The following INSL6 variants were observed in gnomAD, a reference collection of about 807,000 sequenced individuals.
The protein encoded by INSL6 is insulin like 6.
Under a neutral mutation model 9.4 loss-of-function variants are expected in INSL6, and 16 were observed. That is an observed-to-expected ratio of 1.70 (90% CI 1.15 to 2.59). The LOEUF is 2.59. INSL6 is among the 30% of genes most tolerant of loss of function. The pLI is 0.00. For synonymous variants in INSL6, 154 were observed against 96.9 expected, an observed-to-expected ratio of 1.59 and a Z score of -3.46; for missense variants, 391 against 257.3, an observed-to-expected ratio of 1.52 and a Z score of -3.56.
At chr9:5,116,163 G>A in the INSL6 span, among the ~76,000 whole-genome samples, 52 of 152,230 alleles carry the variant, frequency 3.4e-4, no homozygotes, top group East Asian at 7.1e-3. Context: ...TGGAGAACAT[G>A]TATGATTATT....
At chr9:5,121,525 C>A (rs558471205), downstream of INSL6, among the ~76,000 whole-genome samples, 28 of 152,276 alleles carry the variant, frequency 1.8e-4, no homozygotes, top group African/African-American at 6.3e-4. Flanking sequence ...AGTTAGGCTT[C>A]TACTCCCACA....
At chr9:5,019,213 T>C in the INSL6 span, among the ~76,000 whole-genome samples, 1 of 152,212 alleles carries the variant, frequency 6.6e-6, no homozygotes, top group Admixed American at 6.5e-5. Flanking sequence ...TGCTTTATGG[T>C]ATCCCATATG....
At chr9:5,112,723 TC>T in the INSL6 span, 1 of 768,418 alleles carries the variant, frequency 1.3e-6, no homozygotes. Context: ...GGAACCTGAA[TC>T]CCAAAACAGC....
chr9:5,142,375 A>C (rs968265028), intron 2 of INSL6, among the ~76,000 whole-genome samples: 2 of 152,244 alleles, frequency 1.3e-5, no homozygotes, highest in East Asian at 3.9e-4. Context: ...TGTTCATGTC[A>C]TCTCTGATTT....
the INSL6 span, among the ~76,000 whole-genome samples, chr9:5,106,849 T>A: frequency 7.2e-5 from 11 of 152,046 alleles, no homozygotes; most frequent in Non-Finnish European, 1.0e-4. Flanking sequence ...AGTTGAACAA[T>A]GAGAACACTT....
the INSL6 span, chr9:5,085,051 G>A: frequency 5.3e-6 from 4 of 756,240 alleles, no homozygotes; most frequent in Admixed American, 5.4e-5. Context: ...TCTCTTTCTG[G>A]GGATGAGAAG....
At chr9:5,175,523 G>A (rs12347990) in intron 1 of INSL6, among the ~76,000 whole-genome samples, 3,496 of 152,216 alleles carry the variant, frequency 0.023, 121 homozygotes, top group African/African-American at 0.074. Context: ...AAAACAGGGG[G>A]TCCCCAACCA....
chr9:5,012,897 A>C, the INSL6 span, among the ~76,000 whole-genome samples: 1 of 152,218 alleles, frequency 6.6e-6, no homozygotes, highest in Non-Finnish European at 1.5e-5. Flanking sequence ...TGGGAGGCAA[A>C]GTAGACTTAG....
At chr9:5,103,747 C>T in the INSL6 span, among the ~76,000 whole-genome samples, 1 of 152,096 alleles carries the variant, frequency 6.6e-6, no homozygotes, top group Non-Finnish European at 1.5e-5. Flanking sequence ...CAAATTAGAA[C>T]TCAGGACTAA....
At chr9:5,149,515 C>G (rs116629999) in intron 2 of INSL6, among the ~76,000 whole-genome samples, 2,135 of 152,122 alleles carry the variant, frequency 0.014, 40 homozygotes, top group African/African-American at 0.048. Context: ...AGAAAAATAC[C>G]TACAAATACA....
chr9:5,010,600 G>A, the INSL6 span, among the ~76,000 whole-genome samples: 2 of 152,186 alleles, frequency 1.3e-5, no homozygotes, highest in African/African-American at 2.4e-5. Flanking sequence ...GATTACAGGC[G>A]TGGGCCACCA....
the INSL6 span, among the ~76,000 whole-genome samples, chr9:5,063,690 TAA>T: frequency 6.6e-6 from 1 of 151,994 alleles, no homozygotes; most frequent in Non-Finnish European, 1.5e-5. Context: ...AAAAGTTGCA[TAA>T]GAGTGTTTTG....
chr9:5,064,258 C>T, the INSL6 span, among the ~76,000 whole-genome samples: 1 of 151,872 alleles, frequency 6.6e-6, no homozygotes, highest in Non-Finnish European at 1.5e-5. Flanking sequence ...GGGCTGATGC[C>T]GTGGCTCACG....
At chr9:5,063,702 G>A in the INSL6 span, among the ~76,000 whole-genome samples, 3 of 152,098 alleles carry the variant, frequency 2.0e-5, no homozygotes, top group Non-Finnish European at 4.4e-5. Context: ...AGAGTGTTTT[G>A]AAGTTTTTGT....
intron 2 of INSL6, among the ~76,000 whole-genome samples, chr9:5,148,440 A>G (rs1824645199): frequency 6.6e-6 from 1 of 152,124 alleles, no homozygotes; most frequent in African/African-American, 2.4e-5. Flanking sequence ...CGGTCGGCTC[A>G]TGGACTTTGG....
chr9:5,095,293 C>T, the INSL6 span, among the ~76,000 whole-genome samples: 144 of 151,926 alleles, frequency 9.5e-4, 1 homozygote, highest in Non-Finnish European at 1.8e-3. Flanking sequence ...CACAATGCTA[C>T]GCTCACACTG....
At chr9:5,054,901 T>C in the INSL6 span, 1 of 1,500,284 alleles carries the variant, frequency 6.7e-7, no homozygotes, top group South Asian at 1.3e-5. The surrounding 1 kb of genome is among the most constrained non-coding windows in gnomAD (Gnocchi z 4.9). Flanking sequence ...CTTAATGATA[T>C]GTTCTTGTTC....
intron 2 of INSL6, among the ~76,000 whole-genome samples, chr9:5,147,301 G>A (rs964018963): frequency 6.6e-6 from 1 of 152,212 alleles, no homozygotes; most frequent in Admixed American, 6.5e-5. Flanking sequence ...GCCCACAGGA[G>A]ACAGTCTGGA....
chr9:5,043,638 G>C, the INSL6 span, among the ~76,000 whole-genome samples: 3 of 152,144 alleles, frequency 2.0e-5, no homozygotes, highest in Non-Finnish European at 4.4e-5. Context: ...ACAAAAACTT[G>C]TACATGACTC....
Sources: gnomAD v4.1 joint callset for allele counts (sites outside exome capture counted in the v4.1 genomes callset) on GRCh38, gnomAD v4.1.1 for gene constraint, Gnocchi (gnomAD v3.1) non-coding constraint, MANE v1.5 for transcripts, NCBI Gene and HGNC (gene_info 2026-07-23, HGNC 2026-07-21) for gene names.